Variants in PLCG1 observed in about 807,000 individuals in gnomAD.
PLCG1 encodes the protein 1-phosphatidylinositol 4,5-bisphosphate phosphodiesterase gamma-1.
A neutral mutation model predicts 177.8 loss-of-function variants in PLCG1; 71 were observed. The observed-to-expected ratio is 0.40, with a 90% CI of 0.33 to 0.49. The LOEUF is 0.49. Ranked by LOEUF, PLCG1 falls within the 20% of genes least tolerant of loss-of-function variation. The pLI, the probability that PLCG1 is intolerant of heterozygous loss-of-function variation, is 0.72. For synonymous variants in PLCG1, 658 were observed against 647.9 expected (o/e 1.02, Z -0.24); for missense variants, 1,281 against 1,709.0 (o/e 0.75, Z 4.42).
intron 4 of PLCG1, among the ~76,000 whole-genome samples, chr20:41,161,757 C>G (rs768477778): frequency 1.3e-5 from 2 of 151,698 alleles, no homozygotes; most frequent in African/African-American, 4.9e-5. Context: ...AGAGAAAGCC[C>G]CCCCCTTCCC....
rs770787188 is a variant in PLCG1, at chr20:41,172,898, C to T, written c.3279+21C>T. The T allele has an allele frequency of 1.5e-5, 24 of 1,610,184 alleles. No homozygotes were observed. The highest frequency in any genetic ancestry group is 2.0e-5 in the Non-Finnish European group (23 of 1,177,574). Reference sequence around the variant, plus strand: ...TTGAGGTGGGTGCTGCTCATCTGGGCTTCAGGGTAGGAAAGGGGCTGCTTG... The same window carrying T: ...TTGAGGTGGGTGCTGCTCATCTGGGTTTCAGGGTAGGAAAGGGGCTGCTTG... On this transcript the variant is annotated intron_variant, in intron 27 of 31. Transcript: ENST00000685551. The surrounding 1 kb of genome is among the most constrained non-coding windows in gnomAD (Gnocchi z 7.0).
Position 41,165,209 on chromosome 20 carries a change from G to A in PLCG1, c.1387-36G>A. 6.2e-7 allele frequency: 1 copy of A among 1,612,294 alleles called. No homozygotes were observed. The highest frequency in any genetic ancestry group is 1.7e-5 in the Admixed American group (1 of 59,950). On this transcript the variant is annotated intron_variant, in intron 13 of 31. Transcript: ENST00000685551. This position sits in a 1 kb window ranked among gnomAD's most constrained non-coding sequence, Gnocchi z 6.6. ...TGGGTGAGGAGGTGGGGTGAGGACT[G>A]GGGTCTGCATTGCCCTGTTCTGGTT...
In PLCG1 at chr20:41,159,165, G is replaced by A. The variant is rs1318149136; in HGVS notation, c.218-441G>A. On this transcript the variant is annotated intron_variant, in intron 1 of 31. Transcript: ENST00000685551. The surrounding 1 kb of genome is among the most constrained non-coding windows in gnomAD (Gnocchi z 6.0). ...GGATGCACCAGTCCTCTGGGCCAGAGCCTACTTTCTCCCAGGGATCCTGAG... is the reference window on the plus strand; with the variant it reads ...GGATGCACCAGTCCTCTGGGCCAGAACCTACTTTCTCCCAGGGATCCTGAG... 6.6e-6 allele frequency among the ~76,000 whole-genome samples: 1 copy of A among 152,164 alleles called. No homozygotes were observed. The highest frequency in any genetic ancestry group is 2.4e-5 in the African/African-American group (1 of 41,420).
chr20:41,173,681 G>C lies in PLCG1; in HGVS notation c.3424G>C (p.Ala1142Pro). The C allele has an allele frequency of 1.9e-6, 3 of 1,614,194 alleles. No homozygotes were observed. The highest frequency in any genetic ancestry group is 2.5e-6 in the Non-Finnish European group (3 of 1,180,036). Residue 1142 changes from alanine (A) to proline (P), a missense_variant, in exon 29 of 32, where the codon GCC (alanine) becomes CCC (proline). Ala to Pro is a conservative substitution (Grantham distance 27, BLOSUM62 -1). Around this residue, in one of 4 missense-constraint regions of PLCG1, gnomAD observed 723 missense variants for 1,030.0 expected, o/e 0.70. Transcript: ENST00000685551. This position sits in a 1 kb window ranked among gnomAD's most constrained non-coding sequence, Gnocchi z 6.2. ...VDNGLNPVWP[A>P]KPFHFQISNP... ...CAATGGACTCAACCCTGTATGGCCA[G>C]CCAAGCCCTTCCACTTCCAGATCAG...
Position 41,159,981 on chromosome 20 carries a change from A to AGGGGTTAGGGCT in PLCG1, c.464+22_464+33dup. 1 of 1,609,376 alleles carries AGGGGTTAGGGCT rather than the reference A, an allele frequency of 6.2e-7. No homozygotes were observed. Among genetic ancestry groups the AGGGGTTAGGGCT allele is most frequent in the Non-Finnish European group, 8.5e-7 (1 of 1,175,644 alleles). ...ATTGAGAGGTAAGAACCACTCCTGAAGGGGTTAGGGCTGGGAGCATTAGGG... is the reference window on the plus strand; with the variant it reads ...ATTGAGAGGTAAGAACCACTCCTGAAGGGGTTAGGGCTGGGGTTAGGGCTGGGAGCATTAGGG... On this transcript the variant is annotated intron_variant, in intron 3 of 31. Coordinates refer to ENST00000685551, the MANE Select transcript of PLCG1 (RefSeq NM_002660.3). This position sits in a 1 kb window ranked among gnomAD's most constrained non-coding sequence, Gnocchi z 6.0.
In PLCG1 at chr20:41,173,332, C is replaced by T; in HGVS notation, c.3280-88C>T. ...GGCCCAGCAGAGGGCGCGCTGCCTC[C>T]ACTCCACAGATGCTGACTGAGCCTC... On this transcript the variant is annotated intron_variant, in intron 27 of 31. Transcript: ENST00000685551. This position sits in a 1 kb window ranked among gnomAD's most constrained non-coding sequence, Gnocchi z 6.2. 1 of 1,378,996 alleles carries T rather than the reference C, an allele frequency of 7.3e-7. No homozygotes were observed. The allele number at this position is 1,378,996 out of a possible 1,614,324, so 85.4% of individuals were successfully genotyped here. A position where few individuals can be genotyped will look rare whatever the true frequency, so the allele number is the denominator to read the frequency against.
chr20:41,169,072 C>A lies in PLCG1; in HGVS notation c.2484-7C>A. ...TGCTGGAGGTCAGCACCCTGTGGCT[C>A]CCACAGGTGGCGAGGGGACTACGGA... On this transcript the variant is annotated splice_region_variant and splice_polypyrimidine_tract_variant and intron_variant, in intron 21 of 31. Coordinates refer to ENST00000685551, the MANE Select transcript of PLCG1 (RefSeq NM_002660.3). The A allele has an allele frequency of 6.2e-7, 1 of 1,605,776 alleles. No homozygotes were observed. Among genetic ancestry groups the A allele is most frequent in the Non-Finnish European group, 8.5e-7 (1 of 1,172,362 alleles).
Position 41,159,498 on chromosome 20 carries a change from G to T in PLCG1, c.218-108G>T, listed in dbSNP as rs2035424765. The T allele has an allele frequency of 2.6e-6, 3 of 1,140,814 alleles. No individual in the cohort carries two copies. The highest frequency in any genetic ancestry group is 3.0e-4 in the Middle Eastern group (1 of 3,340). The allele number at this position is 1,140,814 out of a possible 1,614,324, so 70.7% of individuals were successfully genotyped here. A position where few individuals can be genotyped will look rare whatever the true frequency, so the allele number is the denominator to read the frequency against. ...GAGTGGTCTTGGCTCTGCCTCTGGG[G>T]TTCCTCCCTGAGAGAGAGTGTAAGA... is the stretch of plus-strand genomic sequence containing the variant. On this transcript the variant is annotated intron_variant, in intron 1 of 31. Transcript: ENST00000685551. This position sits in a 1 kb window ranked among gnomAD's most constrained non-coding sequence, Gnocchi z 6.0.
intron 24 of PLCG1, chr20:41,170,732 G>A (rs942927282): frequency 6.3e-6 from 1 of 159,258 alleles, no homozygotes; most frequent in East Asian, 1.9e-4. Flanking sequence ...AGGGTCTGCT[G>A]TGTTGAGAGC....
chr20:41,172,177 TTG>T lies in PLCG1; in HGVS notation c.2809-8_2809-7del. On this transcript the variant is annotated splice_polypyrimidine_tract_variant and intron_variant, in intron 24 of 31. Transcript: ENST00000685551. The surrounding 1 kb of genome is among the most constrained non-coding windows in gnomAD (Gnocchi z 7.0). ...GGCTGTAGCCTGGGGCTACAGGGCC[TTG>T]TGTGTGTCACCAGCTCACTGAAGGG... 3.1e-6 allele frequency: 5 copies of T among 1,600,916 alleles called. No individual in the cohort carries two copies. The highest frequency in any genetic ancestry group is 1.7e-6 in the Non-Finnish European group (2 of 1,167,946).
chr20:41,169,760 C>A, intron 23 of PLCG1: 1 of 579,044 alleles, frequency 1.7e-6, no homozygotes, highest in Non-Finnish European at 3.1e-6. Context: ...TCAGAATCAG[C>A]AGAACAAAGT....
rs1385460974 is a variant in PLCG1 at position 41,165,884 on chromosome 20, T to A, written c.1799+58T>A. On this transcript the variant is annotated intron_variant, in intron 16 of 31. Coordinates refer to ENST00000685551, the MANE Select transcript of PLCG1 (RefSeq NM_002660.3). The surrounding 1 kb of genome is among the most constrained non-coding windows in gnomAD (Gnocchi z 6.6). ...TCAGCGTGTGTACACAGACATCACATCACCCAGAGATAATCAGTTAACATT... is the reference window on the plus strand; with the variant it reads ...TCAGCGTGTGTACACAGACATCACAACACCCAGAGATAATCAGTTAACATT... 3.8e-6 allele frequency: 5 copies of A among 1,329,132 alleles called. No individual in the cohort carries two copies. The African/African-American group carries it at 4.4e-5, about 12-fold the overall frequency. 82.3% of individuals were successfully genotyped at this position (1,329,132 alleles called of 1,614,324 possible). A position where few individuals can be genotyped will look rare whatever the true frequency, so the allele number is the denominator to read the frequency against.
In PLCG1 at chr20:41,173,422, G is replaced by T. The variant is rs2035965572; in HGVS notation, c.3282G>T (p.Val1094=). The T allele has an allele frequency of 6.3e-7, 1 of 1,595,912 alleles. No homozygotes were observed. Among genetic ancestry groups the T allele is most frequent in the Non-Finnish European group, 8.5e-7 (1 of 1,170,490 alleles). ...GGCCCTTCTTTGTCTGCCTACAGGT[G>T]CTGGGGGCCCGACATCTGCCAAAGA... The part of the protein sequence containing the change: ...GLEPCAISIE[V]LGARHLPKNG... Residue 1094 remains valine (V), a splice_region_variant and synonymous_variant, in exon 28 of 32, where the codon GTG becomes GTT. Transcript: ENST00000685551. The surrounding 1 kb of genome is among the most constrained non-coding windows in gnomAD (Gnocchi z 6.2).
rs1048844791 is a variant in PLCG1 at position 41,174,474 on chromosome 20, A to G, written c.3841A>G (p.Arg1281Gly). 1.3e-6 allele frequency: 2 copies of G among 1,589,034 alleles called. No homozygotes were observed. The highest frequency in any genetic ancestry group is 1.3e-5 in the African/African-American group (1 of 74,494). The change falls in exon 32 of 32, where the codon AGA becomes GGA. Residue 1281 changes from arginine (R) to glycine (G), a missense_variant. By Grantham distance (125) the Arg-to-Gly change is moderately radical. Transcript: ENST00000685551. This position sits in a 1 kb window ranked among gnomAD's most constrained non-coding sequence, Gnocchi z 5.8. ...HFDSRERRAP[R>G]RTRVNGDNRL is the part of the protein sequence containing the mutation. ...CTCTTCCCTTCTGTCCAGGGCCCCA[A>G]GAAGGACTCGGGTCAATGGAGACAA...
chr20:41,139,374 A>T (rs531530412), intron 1 of PLCG1, among the ~76,000 whole-genome samples: 1 of 151,968 alleles, frequency 6.6e-6, no homozygotes, highest in African/African-American at 2.4e-5. Context: ...CCCCTTCCTT[A>T]CTCCCTATGC....
chr20:41,143,962 C>G (rs890893303), intron 1 of PLCG1, among the ~76,000 whole-genome samples: 9 of 152,210 alleles, frequency 5.9e-5, no homozygotes, highest in African/African-American at 1.9e-4. Flanking sequence ...CACCACTAAG[C>G]TCGGCCACAA....
At chr20:41,142,077 A>G (rs1044468407) in intron 1 of PLCG1, among the ~76,000 whole-genome samples, 1 of 152,208 alleles carries the variant, frequency 6.6e-6, no homozygotes, top group Admixed American at 6.5e-5. Flanking sequence ...CCATTGATGA[A>G]CTCTTGGAAA....
intron 4 of PLCG1, chr20:41,162,229 GTTTTTGTTTTTTTT>G (rs1385772663): frequency 7.2e-6 from 2 of 277,004 alleles, no homozygotes; most frequent in Non-Finnish European, 1.3e-5. Flanking sequence ...TGTTTGTTTT[GTTTTTGTTTTTTTT>G]TTTTTTTTTT....
At chr20:41,171,161 C>T (rs1306454377) in intron 24 of PLCG1, among the ~76,000 whole-genome samples, 2 of 152,174 alleles carry the variant, frequency 1.3e-5, no homozygotes, top group South Asian at 2.1e-4. Context: ...TTGGAGAGGG[C>T]ACCCGCAAGC....
Sources: gnomAD v4.1 joint callset for allele counts (sites outside exome capture counted in the v4.1 genomes callset) on GRCh38, gnomAD v4.1.1 for gene constraint, gnomAD v4.1.1 regional missense constraint, Gnocchi (gnomAD v3.1) non-coding constraint, MANE v1.5 for transcripts, NCBI Gene and HGNC (gene_info 2026-07-23, HGNC 2026-07-21) for gene names.